The following LNX1 variants were observed in gnomAD, a reference collection of about 807,000 sequenced individuals.
The protein encoded by LNX1 is E3 ubiquitin-protein ligase LNX.
In LNX1, 54 loss-of-function variants were observed where a neutral mutation model predicts 68.4. That is an observed-to-expected ratio of 0.79 (90% CI 0.63 to 0.99). LNX1 has a LOEUF of 0.99. Among genes scored for constraint, LNX1 ranks in the 50% least tolerant of loss-of-function variants. The pLI is 0.00. For synonymous variants in LNX1, 336 were observed against 350.0 expected (o/e 0.96, Z 0.45); for missense variants, 906 against 926.4 (o/e 0.98, Z 0.29).
chr4:53,574,139 T>A, intron 1 of LNX1, 51 bp from the exon 2 acceptor site: 1 of 1,309,854 alleles, frequency 7.6e-7, no homozygotes, highest in Non-Finnish European at 1.0e-6. Flanking sequence ...ATGAAAGGCT[T>A]ATGCTTATGG....
In LNX1 at chr4:53,597,014, C is replaced by T. The variant is rs949994918; in HGVS notation, c.-214-5499G>A. ...TGGTTCCTGGACTCCGGGAGGCTGC[C>T]CAAGAATATCTGTTCCTTACTAGTT... is the stretch of plus-strand genomic sequence containing the variant. On this transcript the variant is annotated intron_variant, in intron 2 of 3. Coordinates refer to the LNX1 transcript ENST00000504299. Among the ~76,000 whole-genome samples, 36 of 152,232 alleles carry T rather than the reference C, an allele frequency of 2.4e-4. 2 individuals carry two copies. Among genetic ancestry groups the T allele is most frequent in the Admixed American group, 1.8e-3 (28 of 15,296 alleles).
At chr4:53,467,547 T>G (rs1722779957) in intron 9 of LNX1, among the ~76,000 whole-genome samples, 2 of 151,894 alleles carry the variant, frequency 1.3e-5, no homozygotes, top group Non-Finnish European at 2.9e-5. Context: ...TACTACGAGC[T>G]AAAGGAGGAA....
chr4:53,575,680 C>A, intron 1 of LNX1: 1 of 1,389,972 alleles, frequency 7.2e-7, no homozygotes, highest in Non-Finnish European at 9.4e-7. Flanking sequence ...GGACCCACCC[C>A]CTGGGCTGGC....
At chr4:53,505,469 C>T (rs1725808821) in intron 4 of LNX1, among the ~76,000 whole-genome samples, 3 of 152,130 alleles carry the variant, frequency 2.0e-5, no homozygotes, top group Non-Finnish European at 4.4e-5. Context: ...CCAGGCTGGT[C>T]TCAAACTCCC....
intron 2 of LNX1, among the ~76,000 whole-genome samples, chr4:53,510,469 G>A (rs965362755): frequency 2.0e-5 from 3 of 152,206 alleles, no homozygotes; most frequent in Admixed American, 6.5e-5. Context: ...TACACTGCTA[G>A]TGCTTGTCCT....
intron 1 of LNX1, among the ~76,000 whole-genome samples, chr4:53,576,642 TA>T (rs11404981): frequency 2.7e-5 from 4 of 148,796 alleles, no homozygotes; most frequent in East Asian, 2.0e-4. Context: ...AAAAATAAAT[TA>T]AAAAAAAAAG....
In LNX1 at chr4:53,596,537, A is replaced by G. The variant is rs145593080; in HGVS notation, c.-214-5022T>C. On this transcript the variant is annotated intron_variant, in intron 2 of 3. Coordinates refer to the LNX1 transcript ENST00000504299. ...TCTTATGACAATTACACATATTTTT[A>G]TGTTTCTATGATCTCCATTCTTGCA... is the stretch of plus-strand genomic sequence containing the variant. Among the ~76,000 whole-genome samples, 1,216 of 152,252 alleles carry G rather than the reference A, an allele frequency of 8.0e-3. 11 individuals are homozygous for G. The highest frequency in any genetic ancestry group is 0.048 in the Middle Eastern group (14 of 294).
At chr4:53,472,239 A>C (rs80306563) in intron 9 of LNX1, among the ~76,000 whole-genome samples, 14,583 of 152,170 alleles carry the variant, frequency 0.096, 1,218 homozygotes, top group South Asian at 0.28. Context: ...TTGCAAGGAC[A>C]AAAAACCAAA....
intron 4 of LNX1, among the ~76,000 whole-genome samples, chr4:53,503,432 T>C (rs1422526684): frequency 1.3e-5 from 2 of 152,244 alleles, no homozygotes; most frequent in Non-Finnish European, 2.9e-5. Context: ...TTATCAGGCA[T>C]GAAAACATCA....
In LNX1 at chr4:53,496,349, G is replaced by A. The variant is rs201792197; in HGVS notation, c.1024C>T (p.Arg342Cys). Residue 342 changes from arginine to cysteine, a missense_variant, in exon 6 of 11, where the codon CGT becomes TGT. Arg to Cys is a radical substitution (Grantham distance 180). Transcript: ENST00000263925. ...ISNVPHNYAVRLLRQPCQVLW... is the reference protein window; with the variant it reads ...ISNVPHNYAVCLLRQPCQVLW... ...ACCTGGCAGGGCTGCCGCAGGAGAC[G>A]CACAGCGTAGTTGTGAGGGACATTG... 3.0e-4 allele frequency: 487 copies of A among 1,614,044 alleles called. 1 individual carries two copies. The highest frequency in any genetic ancestry group is 8.8e-5 in the South Asian group (8 of 91,070).
intron 1 of LNX1, among the ~76,000 whole-genome samples, chr4:53,582,580 TC>T (rs1731903108): frequency 6.6e-6 from 1 of 152,248 alleles, no homozygotes; most frequent in Non-Finnish European, 1.5e-5. Flanking sequence ...TAAAAGTTAT[TC>T]AAAATATTTT....
upstream of LNX1, among the ~76,000 whole-genome samples, chr4:53,595,723 G>T (rs1039070783): frequency 5.3e-5 from 8 of 152,148 alleles, no homozygotes; most frequent in East Asian, 1.9e-4. Flanking sequence ...GAAATCTAAG[G>T]GGGGAAGGAG....
At chr4:53,645,148 G>C (rs752445387) in intron 1 of LNX1, among the ~76,000 whole-genome samples, 4 of 152,160 alleles carry the variant, frequency 2.6e-5, no homozygotes, top group Non-Finnish European at 4.4e-5. Context: ...CCTGGGGCAG[G>C]AGTGTAACCT....
At chr4:53,575,759 G>T (rs1052359053) in intron 1 of LNX1, 183 of 1,557,268 alleles carry the variant, frequency 1.2e-4, no homozygotes, top group Non-Finnish European at 1.8e-5. Context: ...CATCCTGGTG[G>T]TAGTCACAGT....
exon 1 of LNX1, chr4:53,617,424 A>G (rs1362494808): frequency 6.6e-6 from 1 of 152,230 alleles, no homozygotes; most frequent in Non-Finnish European, 1.5e-5. Flanking sequence ...GGGATTTAAG[A>G]TGATCAAAAC....
intron 4 of LNX1, among the ~76,000 whole-genome samples, chr4:53,506,875 A>AAAAAAAAAG (rs1725927061): frequency 6.7e-6 from 1 of 149,146 alleles, no homozygotes; most frequent in Non-Finnish European, 1.5e-5. Context: ...AAAAAAAAAA[A>AAAAAAAAAG]GAGGAATAAT....
intron 9 of LNX1, among the ~76,000 whole-genome samples, chr4:53,467,308 CAGAA>C (rs1358586840): frequency 3.3e-5 from 5 of 152,254 alleles, no homozygotes; most frequent in Admixed American, 1.3e-4. Flanking sequence ...AACTAACAAA[CAGAA>C]AGGGCATCGA....
At chr4:53,576,398 G>T in intron 1 of LNX1, 2 of 1,554,474 alleles carry the variant, frequency 1.3e-6, no homozygotes, top group South Asian at 2.5e-5. Flanking sequence ...CCCCTCACAT[G>T]ACCAGTCCTA....
At chr4:53,577,524 T>C (rs1411606334) in intron 1 of LNX1, among the ~76,000 whole-genome samples, 1 of 151,926 alleles carries the variant, frequency 6.6e-6, no homozygotes, top group African/African-American at 2.4e-5. Flanking sequence ...TCCAAGGGAG[T>C]GGAGATAGGA....
Sources: gnomAD v4.1 joint callset for allele counts (sites outside exome capture counted in the v4.1 genomes callset) on GRCh38, gnomAD v4.1.1 for gene constraint, MANE v1.5 for transcripts, NCBI Gene and HGNC (gene_info 2026-07-23, HGNC 2026-07-21) for gene names.